Variants in FMN1 observed in about 807,000 individuals in gnomAD.
FMN1 encodes the protein formin 1.
Under a neutral mutation model 132.4 loss-of-function variants are expected in FMN1, and 110 were observed. That is an observed-to-expected ratio of 0.83 (90% CI 0.71 to 0.97). The LOEUF is 0.97. Among genes scored for constraint, FMN1 ranks in the 50% least tolerant of loss-of-function variants. The pLI is 0.00. For synonymous variants in FMN1, 722 were observed against 651.7 expected (o/e 1.11, Z -1.64); for missense variants, 1,792 against 1,705.3 (o/e 1.05, Z -0.90).
At chr15:32,859,127 C>T (rs1214071248) in intron 16 of FMN1, among the ~76,000 whole-genome samples, 5 of 152,046 alleles carry the variant, frequency 3.3e-5, no homozygotes, top group Admixed American at 3.3e-4. Context: ...GGGGAAGTAT[C>T]TTGTTGGATT....
rs1310621570 is a variant in FMN1, at chr15:32,777,635, TATAAC to T, written c.4131-721_4131-717del. On this transcript the variant is annotated intron_variant, in intron 19 of 20. Transcript: ENST00000616417. ...TAACATAACACATTTATATATTACG[TATAAC>T]ATAACACATTTATATATTACGTATA... 5.9e-5 allele frequency among the ~76,000 whole-genome samples: 8 copies of T among 135,570 alleles called. 1 individual carries two copies. The highest frequency in any genetic ancestry group is 2.3e-4 in the South Asian group (1 of 4,374). 88.9% of individuals were successfully genotyped at this position (135,570 alleles called of 152,430 possible). A position where few individuals can be genotyped will look rare whatever the true frequency, so the allele number is the denominator to read the frequency against.
chr15:33,189,434 A>G (rs1254399201), intron 2 of FMN1, among the ~76,000 whole-genome samples: 3 of 152,224 alleles, frequency 2.0e-5, no homozygotes, highest in African/African-American at 4.8e-5. Context: ...GGCTGCCTTC[A>G]TCTAAAAAGA....
chr15:32,916,604 G>C (rs1014876775), intron 10 of FMN1, among the ~76,000 whole-genome samples: 2 of 152,176 alleles, frequency 1.3e-5, no homozygotes, highest in African/African-American at 4.8e-5. Flanking sequence ...TTTTGAGAAT[G>C]ATTTGTACGT....
intron 2 of FMN1, among the ~76,000 whole-genome samples, chr15:33,185,546 AT>A (rs886840744): frequency 5.6e-5 from 8 of 141,764 alleles, no homozygotes; most frequent in Non-Finnish European, 7.7e-5. Context: ...ATTTGTAGTA[AT>A]TTTTTTTTAA....
At chr15:33,018,947 G>A (rs1053814895) in intron 6 of FMN1, among the ~76,000 whole-genome samples, 3 of 152,188 alleles carry the variant, frequency 2.0e-5, no homozygotes, top group African/African-American at 7.2e-5. Context: ...GAGTGTTACA[G>A]CTCATAAAGA....
In FMN1 at chr15:33,088,817, T is replaced by C. The variant is rs1187748981; in HGVS notation, c.2025A>G (p.Glu675=). 3 of 1,535,670 alleles carry C rather than the reference T, an allele frequency of 2.0e-6. No individual in the cohort carries two copies. Among genetic ancestry groups the C allele is most frequent in the Non-Finnish European group, 2.6e-6 (3 of 1,146,716 alleles). ...TACTTACATGGAGATCCAAGTACAA[T>C]TCGCTCCTGTTTGACTTCTCCCTTT... ...HEEREKSNRS[E]LYLDLHPDHS... The change falls in exon 5 of 21, where the codon GAA becomes GAG. Residue 675 remains glutamate (E), a synonymous_variant. Transcript: ENST00000616417.
At chr15:32,896,356 C>T (rs968174786) in intron 15 of FMN1, among the ~76,000 whole-genome samples, 1 of 151,850 alleles carries the variant, frequency 6.6e-6, no homozygotes, top group African/African-American at 2.4e-5. Context: ...TTGTAAACTT[C>T]TAAGATTGAT....
chr15:33,067,612 G>A (rs552668965), intron 5 of FMN1: 17 of 1,613,858 alleles, frequency 1.1e-5, no homozygotes, highest in Middle Eastern at 1.6e-4. Context: ...CATCATTTCC[G>A]AGGTCAGGTG....
At chr15:32,821,449 CTTTTTTTTTT>C (rs34336647) in intron 17 of FMN1, among the ~76,000 whole-genome samples, 1 of 110,830 alleles carries the variant, frequency 9.0e-6, no homozygotes, top group Non-Finnish European at 1.7e-5. Flanking sequence ...ATATTTAAAT[CTTTTTTTTTT>C]TTTTTTTTTT....
At chr15:32,871,192 G>T (rs1443693538) in intron 16 of FMN1, among the ~76,000 whole-genome samples, 3 of 152,122 alleles carry the variant, frequency 2.0e-5, no homozygotes, top group East Asian at 1.9e-4. Flanking sequence ...TACACACAAA[G>T]ACATTTGAAA....
intron 7 of FMN1, among the ~76,000 whole-genome samples, chr15:32,981,527 TAATAATAATAATAATA>T (rs2032661195): frequency 8.0e-6 from 1 of 124,880 alleles, no homozygotes; most frequent in Admixed American, 8.2e-5. Context: ...CAAATAATAA[TAATAATAATAATAATA>T]ATTATTATTA....
chr15:32,777,467 G>A lies in FMN1; in HGVS notation c.4131-548C>T, dbSNP rs371226653. Among the ~76,000 whole-genome samples, 20 of 113,406 alleles carry A rather than the reference G, an allele frequency of 1.8e-4. 4 individuals are homozygous for A. In the East Asian group the frequency reaches 3.9e-3, roughly 22 times the overall value. 74.4% of individuals were successfully genotyped at this position (113,406 alleles called of 152,430 possible). ...TTTATATATTATATTTATATATTAC[G>A]TATATTTATATATTATATTTATATA... On this transcript the variant is annotated intron_variant, in intron 19 of 20. Coordinates refer to ENST00000616417, the MANE Select transcript of FMN1 (RefSeq NM_001277313.2).
Position 33,031,632 on chromosome 15 carries a change from T to C in FMN1, c.2162-23557A>G, listed in dbSNP as rs539510249. Among the ~76,000 whole-genome samples the C allele has an allele frequency of 5.6e-4, 85 of 152,268 alleles. No homozygotes were observed. The South Asian group carries it at 0.016, about 29-fold the overall frequency. ...GAGCCGCGTTCACAGCTGTCCCAAATAAAGGAGCCACAGCTGAATAAGCAG... is the reference window on the plus strand; with the variant it reads ...GAGCCGCGTTCACAGCTGTCCCAAACAAAGGAGCCACAGCTGAATAAGCAG... On this transcript the variant is annotated intron_variant, in intron 6 of 20. Coordinates refer to ENST00000616417, the MANE Select transcript of FMN1 (RefSeq NM_001277313.2).
intron 5 of FMN1, among the ~76,000 whole-genome samples, chr15:33,074,265 T>TCTA (rs1375462731): frequency 6.6e-6 from 1 of 152,216 alleles, no homozygotes; most frequent in East Asian, 1.9e-4. Flanking sequence ...ACACCTTGCT[T>TCTA]CTACCTAATT....
chr15:32,907,880 A>C (rs1418763710), intron 12 of FMN1, among the ~76,000 whole-genome samples: 1 of 152,138 alleles, frequency 6.6e-6, no homozygotes, highest in African/African-American at 2.4e-5. Context: ...TATGGCTTCG[A>C]GACCCCAAGA....
chr15:32,990,549 G>T (rs1028320566), intron 7 of FMN1, among the ~76,000 whole-genome samples: 1 of 152,150 alleles, frequency 6.6e-6, no homozygotes, highest in East Asian at 1.9e-4. Flanking sequence ...GGAATGGAAG[G>T]TCAAAGCAAC....
chr15:32,834,372 T>C (rs1168920128), intron 17 of FMN1, among the ~76,000 whole-genome samples: 2 of 152,150 alleles, frequency 1.3e-5, no homozygotes, highest in South Asian at 2.1e-4. Flanking sequence ...TAGTAGCAAA[T>C]TGAGGAAGTA....
At chr15:32,885,921 G>C (rs181545034) in intron 16 of FMN1, among the ~76,000 whole-genome samples, 2 of 152,100 alleles carry the variant, frequency 1.3e-5, no homozygotes, top group East Asian at 3.9e-4. Context: ...TTTGCCAGCA[G>C]CTACGACACT....
rs1964388299 is a variant in FMN1, at chr15:33,150,209, A to G, written c.1867+2839T>C. 6.1e-6 allele frequency: 6 copies of G among 985,346 alleles called. No homozygotes were observed. The South Asian group carries it at 2.3e-4, about 39-fold the overall frequency. The allele number at this position is 985,346 out of a possible 1,614,324, so 61.0% of individuals were successfully genotyped here. A position where few individuals can be genotyped will look rare whatever the true frequency, so the allele number is the denominator to read the frequency against. ...CTTTGAATCAAAGGTAAATGAAAGC[A>G]AGCAAAACAGAAAGGAATCCTAGCA... On this transcript the variant is annotated intron_variant, in intron 4 of 20. Transcript: ENST00000616417.
Sources: gnomAD v4.1 joint callset for allele counts (sites outside exome capture counted in the v4.1 genomes callset) on GRCh38, gnomAD v4.1.1 for gene constraint, MANE v1.5 for transcripts, NCBI Gene and HGNC (gene_info 2026-07-23, HGNC 2026-07-21) for gene names.